The following FSCN2 variants were observed in gnomAD, a reference collection of about 807,000 sequenced individuals.
The protein encoded by FSCN2 is fascin actin-bundling protein 2, retinal, also known as fascin-2.
A neutral mutation model predicts 37.8 loss-of-function variants in FSCN2; 46 were observed. The observed-to-expected ratio is 1.22, with a 90% CI of 0.96 to 1.56. The LOEUF (loss-of-function observed/expected upper bound fraction) is 1.56, where lower values mean the gene tolerates loss of function less well. Among genes scored for constraint, FSCN2 ranks in the 40% most tolerant of loss-of-function variants. FSCN2 has a pLI of 0.00. For synonymous variants in FSCN2, 351 were observed against 309.4 expected, an observed-to-expected ratio of 1.13 and a Z score of -1.41; for missense variants, 844 against 730.4, an observed-to-expected ratio of 1.16 and a Z score of -1.79.
chr17:81,532,697 G>A (rs1048324914), intron 1 of FSCN2, among the ~76,000 whole-genome samples: 14 of 142,058 alleles, frequency 9.9e-5, no homozygotes, highest in East Asian at 2.0e-4. Context: ...TGGTGATGGC[G>A]ATAGTGATAG....
intron 1 of FSCN2, among the ~76,000 whole-genome samples, chr17:81,531,717 G>GTGA (rs1568078004): frequency 7.8e-5 from 7 of 89,346 alleles, no homozygotes; most frequent in Non-Finnish European, 1.3e-4. Context: ...GATAGTGATG[G>GTGA]TGGTGATGGT....
At chr17:81,526,015 G>A (rs1265213772), upstream of FSCN2, among the ~76,000 whole-genome samples, 4 of 152,246 alleles carry the variant, frequency 2.6e-5, no homozygotes, top group Non-Finnish European at 5.9e-5. Context: ...ACGTGGAGCT[G>A]TGGGGCCCTA....
intron 2 of FSCN2, 72 bp from the exon 3 acceptor site, chr17:81,536,074 G>T: frequency 6.5e-7 from 1 of 1,545,810 alleles, no homozygotes; most frequent in Non-Finnish European, 8.8e-7. Flanking sequence ...GGAACCTGAG[G>T]AGGATGGGGA....
chr17:81,518,156 C>T, the FSCN2 span, among the ~76,000 whole-genome samples: 2 of 152,146 alleles, frequency 1.3e-5, no homozygotes, highest in Admixed American at 6.5e-5. Context: ...ACTCCTTCAG[C>T]GCCCTGACCA....
In FSCN2 at chr17:81,536,973, C is replaced by G. The variant is rs374827376; in HGVS notation, c.1372C>G (p.Arg458Gly). ...CGTCTTCGAGTTCCGTGAGCGCGGCCGCCTGGCCATCCGCGCCCGGAGCGG... is the reference window on the plus strand; with the variant it reads ...CGTCTTCGAGTTCCGTGAGCGCGGCGGCCTGGCCATCCGCGCCCGGAGCGG... ...DFVFEFRERG[R>G]LAIRARSGKY... The change falls in exon 5 of 5, where the codon CGC becomes GGC. Residue 458 changes from arginine (R) to glycine (G), a missense_variant. Transcript: ENST00000417245. 6 of 1,543,248 alleles carry G rather than the reference C, an allele frequency of 3.9e-6. No homozygotes were observed. The highest frequency in any genetic ancestry group is 5.2e-6 in the Non-Finnish European group (6 of 1,153,410).
rs527304357 is a variant in FSCN2 at position 81,528,382 on chromosome 17, C to T, written c.-150C>T. ...CCAGGCTGCTGCCGCGGGTCAGAGG[C>T]GGGTCAGAGCAGGCAGGGGGTTCGT... On this transcript the variant is annotated 5_prime_UTR_variant, in exon 1 of 5. Transcript: ENST00000417245. 2.6e-5 allele frequency: 16 copies of T among 623,512 alleles called. No homozygotes were observed. The highest frequency in any genetic ancestry group is 8.7e-5 in the Admixed American group (3 of 34,564). 38.6% of individuals were successfully genotyped at this position (623,512 alleles called of 1,614,324 possible).
intron 1 of FSCN2, chr17:81,529,699 A>G: frequency 1.8e-6 from 1 of 553,638 alleles, no homozygotes; most frequent in Non-Finnish European, 3.5e-6. Context: ...AGTGCCCAGC[A>G]GGGGCAGGAG....
chr17:81,529,137 G>T lies in FSCN2; in HGVS notation c.606G>T (p.Trp202Cys). The change falls in exon 1 of 5, where the codon TGG (tryptophan) becomes TGT (cysteine). Residue 202 changes from tryptophan to cysteine, a missense_variant. By Grantham distance (215) the Trp-to-Cys change is radical. Coordinates refer to ENST00000417245, the MANE Select transcript of FSCN2 (RefSeq NM_012418.4). ...RYLRSDGRLV[W>C]EPEPRACYTL... ...TGCGCAGCGACGGCCGTCTGGTCTG[G>T]GAGCCTGAGCCCCGTGCCTGCTACA... 1 of 1,584,438 alleles carries T rather than the reference G, an allele frequency of 6.3e-7. No individual in the cohort carries two copies. Among genetic ancestry groups the T allele is most frequent in the Non-Finnish European group, 8.6e-7 (1 of 1,166,868 alleles).
chr17:81,531,800 A>G (rs377343313), intron 1 of FSCN2, among the ~76,000 whole-genome samples: 2,525 of 19,208 alleles, frequency 0.13, 7 homozygotes, highest in Middle Eastern at 0.21. Context: ...TGATGATGAT[A>G]ATGGTGATGA....
At chr17:81,524,580 G>T (rs2032291749), upstream of FSCN2, among the ~76,000 whole-genome samples, 1 of 152,208 alleles carries the variant, frequency 6.6e-6, no homozygotes, top group Non-Finnish European at 1.5e-5. Flanking sequence ...GTGAGTGGTT[G>T]GTTGGCACCT....
In FSCN2 at chr17:81,529,278, T is replaced by C; in HGVS notation, c.747T>C (p.Asp249=). Residue 249 remains aspartate, a synonymous_variant, in exon 1 of 5, where the codon GAT becomes GAC. Transcript: ENST00000417245. The part of the protein sequence containing the change: ...KAGRNTRPGK[D]ELFDLEESHP... The stretch of plus-strand genomic sequence containing the variant: ...GCCGAAACACGCGACCTGGCAAGGA[T>C]GAGCTCTTTGATCTGGAGGAGAGTC... The C allele has an allele frequency of 1.3e-6, 2 of 1,587,318 alleles. No individual in the cohort carries two copies. The highest frequency in any genetic ancestry group is 1.7e-6 in the Non-Finnish European group (2 of 1,164,660).
chr17:81,532,379 AGTGATGGCGATG>A (rs2032706190), intron 1 of FSCN2, among the ~76,000 whole-genome samples: 25 of 64,804 alleles, frequency 3.9e-4, no homozygotes, highest in African/African-American at 9.1e-4. Flanking sequence ...TGGTGATGAT[AGTGATGGCGATG>A]ATGGTGATGA....
At chr17:81,533,984 C>T (rs1220428968) in intron 1 of FSCN2, among the ~76,000 whole-genome samples, 1 of 152,198 alleles carries the variant, frequency 6.6e-6, no homozygotes, top group Non-Finnish European at 1.5e-5. Context: ...TCAGTGTTGC[C>T]CTCCACTGGG....
intron 4 of FSCN2, 35 bp downstream of exon 4, chr17:81,536,824 G>T (rs2032897329): frequency 1.3e-6 from 2 of 1,553,842 alleles, no homozygotes; most frequent in East Asian, 2.4e-5. Context: ...GCGGGAGCGG[G>T]GGTGGCAGCG....
the FSCN2 span, among the ~76,000 whole-genome samples, chr17:81,517,604 G>T: frequency 5.3e-5 from 8 of 152,280 alleles, no homozygotes; most frequent in South Asian, 1.7e-3. Context: ...GTTCCCAAGG[G>T]CATAGCCCCA....
intron 1 of FSCN2, among the ~76,000 whole-genome samples, chr17:81,532,719 G>A (rs928058340): frequency 1.0e-4 from 15 of 145,348 alleles, no homozygotes; most frequent in East Asian, 2.0e-4. Context: ...GATGGTGGTG[G>A]TGATAGTGAT....
chr17:81,517,698 C>T, the FSCN2 span, among the ~76,000 whole-genome samples: 20 of 151,972 alleles, frequency 1.3e-4, no homozygotes, highest in African/African-American at 4.4e-4. Flanking sequence ...CAGAGCCGCA[C>T]GGAGTGGGGA....
rs782066997 is a variant in FSCN2 at position 81,528,884 on chromosome 17, T to A, written c.353T>A (p.Leu118Gln). The change falls in exon 1 of 5, where the codon CTG (leucine) becomes CAG (glutamine). Residue 118 changes from leucine to glutamine, a missense_variant. Transcript: ENST00000417245. ...GRFFGGTEDQ[L>Q]SCFATAVSPA... is the part of the protein sequence containing the mutation. ...TTCTTCGGAGGCACCGAGGACCAGC[T>A]GTCCTGCTTCGCCACAGCCGTTTCC... is the stretch of plus-strand genomic sequence containing the variant. 1.3e-6 allele frequency: 2 copies of A among 1,574,298 alleles called. No individual in the cohort carries two copies. The highest frequency in any genetic ancestry group is 2.3e-5 in the South Asian group (2 of 86,384).
At chr17:81,535,863 CTCTCCATCCCCATCCCCA>C (rs545773986) in intron 2 of FSCN2, among the ~76,000 whole-genome samples, 80 of 130,360 alleles carry the variant, frequency 6.1e-4, no homozygotes, top group Middle Eastern at 4.5e-3. Flanking sequence ...CACCATCCCC[CTCTCCATCCCCATCCCCA>C]TCTCCATCTT....
Sources: allele counts gnomAD v4.1 joint callset (sites outside exome capture counted in the v4.1 genomes callset), GRCh38; gene constraint gnomAD v4.1.1; transcripts MANE v1.5; gene names NCBI Gene and HGNC (gene_info 2026-07-23, HGNC 2026-07-21).